Variants in ALDH6A1 observed in about 807,000 individuals in gnomAD.
ALDH6A1 encodes the protein aldehyde dehydrogenase 6 family member A1, also known as methylmalonate-semialdehyde/malonate-semialdehyde dehydrogenase [acylating], mitochondrial.
ALDH6A1 carries 43 observed loss-of-function variants against 62.6 expected under a neutral mutation model. The ratio of observed to expected loss-of-function variants is 0.69; its 90% CI spans 0.54 to 0.89. ALDH6A1 has a LOEUF of 0.89. ALDH6A1 is among the 40% of genes least tolerant of loss of function. ALDH6A1 has a pLI of 0.00. For missense variants in ALDH6A1, 551 were observed against 661.3 expected, an observed-to-expected ratio of 0.83 and a Z score of 1.83; for synonymous variants, 194 against 234.2, an observed-to-expected ratio of 0.83 and a Z score of 1.57.
intron 10 of ALDH6A1, 94 bp from the exon 11 acceptor site, chr14:74,065,014 C>T: frequency 1.5e-6 from 2 of 1,379,054 alleles, no homozygotes; most frequent in African/African-American, 1.4e-5. Flanking sequence ...AAATACCCAC[C>T]TTCTACCCTA....
In ALDH6A1 at chr14:74,069,136, G is replaced by A. The variant is rs561604072; in HGVS notation, c.731-155C>T. On this transcript the variant is annotated intron_variant, in intron 6 of 11. Transcript: ENST00000553458. ...TTTTTTTTTTTTGAGACGGAGTCTC[G>A]CTCTGTTGCCCAGGCTGGAGTGCAG... is the stretch of plus-strand genomic sequence containing the variant. The A allele has an allele frequency of 1.6e-3, 1,239 of 757,746 alleles. 19 individuals are homozygous for A. In the African/African-American group the frequency reaches 0.026, roughly 16 times the overall value. 46.9% of individuals were successfully genotyped at this position (757,746 alleles called of 1,614,324 possible).
In ALDH6A1 at chr14:74,067,624, T is replaced by C. The variant is rs1175368152; in HGVS notation, c.853-55A>G. 1.9e-6 allele frequency: 3 copies of C among 1,583,650 alleles called. No homozygotes were observed. In the East Asian group the frequency reaches 6.7e-5, roughly 35 times the overall value. ...CTTCCTTGGCCAAATACAACTAAGCTAAGAAATTAAGCAGTGGACCAGGTG... is the reference window on the plus strand; with the variant it reads ...CTTCCTTGGCCAAATACAACTAAGCCAAGAAATTAAGCAGTGGACCAGGTG... On this transcript the variant is annotated intron_variant, in intron 7 of 11. Transcript: ENST00000553458.
Position 74,057,513 on chromosome 14 carries a change from C to A in ALDH6A1, c.*3129G>T. 1 of 1,376,048 alleles carries A rather than the reference C, an allele frequency of 7.3e-7. No individual in the cohort carries two copies. Among genetic ancestry groups the A allele is most frequent in the Non-Finnish European group, 9.4e-7 (1 of 1,061,120 alleles). The allele number at this position is 1,376,048 out of a possible 1,614,324, so 85.2% of individuals were successfully genotyped here. On this transcript the variant is annotated 3_prime_UTR_variant, in exon 12 of 12. Transcript: ENST00000553458. The stretch of plus-strand genomic sequence containing the variant: ...TAGGTTGCCTTTTGAAGTAAACAGC[C>A]TAGCCAAAATGTGTACTATCTTTTA...
chr14:74,066,483 A>G (rs532040803), intron 9 of ALDH6A1, among the ~76,000 whole-genome samples: 1 of 152,308 alleles, frequency 6.6e-6, no homozygotes, highest in South Asian at 2.1e-4. Context: ...GGAAATATCT[A>G]TCCCTTTATG....
intron 9 of ALDH6A1, chr14:74,066,148 G>A (rs2060460584): frequency 6.2e-6 from 1 of 161,564 alleles, no homozygotes; most frequent in Admixed American, 5.8e-5. Context: ...TTGAGACACT[G>A]CAGTAGCCAT....
rs769681316 is a variant in ALDH6A1, at chr14:74,071,851, T to G, written c.427+45A>C. The stretch of plus-strand genomic sequence containing the variant: ...ATTCTGCGATCTTTGCCTCCCATCT[T>G]CCTTTGGTCCTTCCCAAAAGTCCCA... On this transcript the variant is annotated intron_variant, in intron 5 of 11. Coordinates refer to ENST00000553458, the MANE Select transcript of ALDH6A1 (RefSeq NM_005589.4). 4 of 1,595,248 alleles carry G rather than the reference T, an allele frequency of 2.5e-6. No homozygotes were observed. In the South Asian group the frequency reaches 3.3e-5, roughly 13 times the overall value.
rs2060256079 is a variant in ALDH6A1 at position 74,057,946 on chromosome 14, T to C, written c.*2696A>G. 5 of 943,806 alleles carry C rather than the reference T, an allele frequency of 5.3e-6. No individual in the cohort carries two copies. Among genetic ancestry groups the C allele is most frequent in the Non-Finnish European group, 6.3e-6 (5 of 789,216 alleles). The allele number at this position is 943,806 out of a possible 1,614,324, so 58.5% of individuals were successfully genotyped here. ...TTAAATATAAGGAAAATGTTAGGAA[T>C]CTCTGTGACTACATTTAATTCCACT... is the stretch of plus-strand genomic sequence containing the variant. On this transcript the variant is annotated 3_prime_UTR_variant, in exon 12 of 12. Coordinates refer to ENST00000553458, the MANE Select transcript of ALDH6A1 (RefSeq NM_005589.4).
chr14:74,074,889 A>G, intron 2 of ALDH6A1, 66 bp downstream of exon 2: 1 of 1,499,660 alleles, frequency 6.7e-7, no homozygotes, highest in South Asian at 1.1e-5. Flanking sequence ...TGTAAAGAAG[A>G]TAGAGATACC....
At chr14:74,071,550 T>C in intron 5 of ALDH6A1, 53 bp from the exon 6 acceptor site, 1 of 1,612,188 alleles carries the variant, frequency 6.2e-7, no homozygotes, top group Non-Finnish European at 8.5e-7. Context: ...CTAGTTAGCT[T>C]TGTCCTGTTC....
Position 74,057,749 on chromosome 14 carries a change from T to G in ALDH6A1, c.*2893A>C. 1 of 1,155,512 alleles carries G rather than the reference T, an allele frequency of 8.7e-7. No homozygotes were observed. The highest frequency in any genetic ancestry group is 1.1e-6 in the Non-Finnish European group (1 of 925,878). 71.6% of individuals were successfully genotyped at this position (1,155,512 alleles called of 1,614,324 possible). On this transcript the variant is annotated 3_prime_UTR_variant, in exon 12 of 12. Coordinates refer to ENST00000553458, the MANE Select transcript of ALDH6A1 (RefSeq NM_005589.4). ...TGAGAAATTTCAAATGAAGCCACAT[T>G]AGAACAAAAAGAAAATACTGACTTT... is the stretch of plus-strand genomic sequence containing the variant.
Position 74,060,493 on chromosome 14 carries a change from A to G in ALDH6A1, c.*149T>C. The G allele has an allele frequency of 1.4e-6, 1 of 704,424 alleles. No homozygotes were observed. Among genetic ancestry groups the G allele is most frequent in the Non-Finnish European group, 2.6e-6 (1 of 384,018 alleles). 43.6% of individuals were successfully genotyped at this position (704,424 alleles called of 1,614,324 possible). ...TTACACTAGGCAGTTCCCTATAGAA[A>G]CTTTGCGGGGGTTAATAGTCCTGAG... On this transcript the variant is annotated 3_prime_UTR_variant, in exon 12 of 12. Transcript: ENST00000553458.
intron 1 of ALDH6A1, among the ~76,000 whole-genome samples, chr14:74,078,991 G>T (rs2060643067): frequency 6.6e-6 from 1 of 151,768 alleles, no homozygotes. Flanking sequence ...GTTTCCCAAG[G>T]CTTGGTCCTA....
intron 9 of ALDH6A1, among the ~76,000 whole-genome samples, chr14:74,066,271 T>G (rs964266511): frequency 6.6e-6 from 1 of 152,188 alleles, no homozygotes; most frequent in Non-Finnish European, 1.5e-5. Flanking sequence ...CTGCCTGTTT[T>G]TGTACAGCCC....
At chr14:74,069,327 C>G (rs2060517592) in intron 6 of ALDH6A1, 2 of 329,042 alleles carry the variant, frequency 6.1e-6, no homozygotes, top group East Asian at 1.7e-4. Context: ...TGGTCTTGAA[C>G]TCCTGACCTC....
At chr14:74,079,811 T>G (rs2060653678) in intron 1 of ALDH6A1, among the ~76,000 whole-genome samples, 1 of 152,122 alleles carries the variant, frequency 6.6e-6, no homozygotes, top group South Asian at 2.1e-4. Flanking sequence ...TCAAATGATC[T>G]GCCCACCTTG....
intron 1 of ALDH6A1, among the ~76,000 whole-genome samples, chr14:74,082,042 A>G (rs948602388): frequency 6.6e-6 from 1 of 152,142 alleles, no homozygotes; most frequent in East Asian, 1.9e-4. Context: ...CCCTGTCTCT[A>G]CAAAAAATAC....
At position 74,065,164 on chromosome 14, in the gene ALDH6A1, A is replaced by C; in HGVS notation, c.1404+17T>G. The C allele has an allele frequency of 6.2e-7, 1 of 1,613,768 alleles. No homozygotes were observed. ...GTAAATGGATATAAGAATCTCTTAA[A>C]AATTCTGTTCACGAACCTGTCCAAC... is the stretch of plus-strand genomic sequence containing the variant. On this transcript the variant is annotated intron_variant, in intron 10 of 11. Transcript: ENST00000553458.
At chr14:74,065,625 A>AC in intron 9 of ALDH6A1, 1 of 428,078 alleles carries the variant, frequency 2.3e-6, no homozygotes, top group Admixed American at 3.8e-5. Flanking sequence ...TTAGTTCATG[A>AC]CCCATCATCA....
At chr14:74,062,825 T>A (rs553379688) in intron 11 of ALDH6A1, among the ~76,000 whole-genome samples, 51 of 152,226 alleles carry the variant, frequency 3.4e-4, no homozygotes, top group African/African-American at 9.9e-4. Flanking sequence ...AAAATCAACC[T>A]ATAAAAGGGG....
Sources: gnomAD v4.1 joint callset for allele counts (sites outside exome capture counted in the v4.1 genomes callset) on GRCh38, gnomAD v4.1.1 for gene constraint, MANE v1.5 for transcripts, NCBI Gene and HGNC (gene_info 2026-07-23, HGNC 2026-07-21) for gene names.